TMEM117: variants seen among roughly 807,000 people sequenced by gnomAD.
TMEM117 encodes the protein transmembrane protein 117.
A neutral mutation model predicts 52.4 loss-of-function variants in TMEM117; 27 were observed. That is an observed-to-expected ratio of 0.51 (90% CI 0.38 to 0.71). The LOEUF (loss-of-function observed/expected upper bound fraction) is 0.71. Ranked by LOEUF, TMEM117 falls within the 30% of genes least tolerant of loss-of-function variation. The probability of loss-of-function intolerance (pLI) is 0.00; values close to 1 mark genes in which losing one functional copy is unlikely to be tolerated. For missense variants in TMEM117, 556 were observed against 630.5 expected, an observed-to-expected ratio of 0.88 and a Z score of 1.26; for synonymous variants, 215 against 206.3, an observed-to-expected ratio of 1.04 and a Z score of -0.36.
At chr12:43,912,911 GA>G (rs1314163082) in intron 2 of TMEM117, among the ~76,000 whole-genome samples, 1 of 152,126 alleles carries the variant, frequency 6.6e-6, no homozygotes, top group African/African-American at 2.4e-5. Flanking sequence ...AGTCCTCCAA[GA>G]AAGGCTTGTC....
At chr12:43,983,542 C>G (rs1945794522) in intron 3 of TMEM117, among the ~76,000 whole-genome samples, 1 of 107,106 alleles carries the variant, frequency 9.3e-6, no homozygotes, top group African/African-American at 3.6e-5. Context: ...TACTTTTGCA[C>G]CAACCGTGTG....
intron 3 of TMEM117, among the ~76,000 whole-genome samples, chr12:44,029,385 G>T (rs1946596253): frequency 6.6e-6 from 1 of 152,140 alleles, no homozygotes; most frequent in Admixed American, 6.5e-5. Flanking sequence ...TAATCCTTAG[G>T]CATGTACAGG....
chr12:43,857,153 C>T (rs1283896804), intron 2 of TMEM117, among the ~76,000 whole-genome samples: 3 of 152,182 alleles, frequency 2.0e-5, no homozygotes, highest in African/African-American at 7.2e-5. Context: ...GGGCAATGAG[C>T]TTCATGCAGC....
intron 2 of TMEM117, among the ~76,000 whole-genome samples, chr12:43,868,141 CTT>C (rs1308987569): frequency 8.7e-5 from 13 of 149,578 alleles, no homozygotes; most frequent in Non-Finnish European, 1.2e-4. Context: ...TGTCTCTCTC[CTT>C]CTCTCTCTCT....
At chr12:44,235,334 T>A (rs1187344160) in intron 5 of TMEM117, among the ~76,000 whole-genome samples, 2 of 151,724 alleles carry the variant, frequency 1.3e-5, no homozygotes, top group Non-Finnish European at 3.0e-5. Context: ...TGTTTCCTGT[T>A]AAATGCACAG....
At chr12:44,115,808 CTTAGAG>C (rs1385012919) in intron 3 of TMEM117, among the ~76,000 whole-genome samples, 2 of 152,196 alleles carry the variant, frequency 1.3e-5, no homozygotes, top group Non-Finnish European at 2.9e-5. Context: ...ACTCAAGAAA[CTTAGAG>C]TTAAATAGAG....
intron 3 of TMEM117, among the ~76,000 whole-genome samples, chr12:44,114,838 A>G (rs1247639667): frequency 6.6e-6 from 1 of 152,210 alleles, no homozygotes; most frequent in Non-Finnish European, 1.5e-5. Context: ...TAAAAATGCT[A>G]CTACTTCCAC....
chr12:44,055,141 C>A (rs1001282461), intron 3 of TMEM117, among the ~76,000 whole-genome samples: 3 of 152,052 alleles, frequency 2.0e-5, no homozygotes, highest in Admixed American at 2.0e-4. Flanking sequence ...TATAAAAGTT[C>A]TGTGATGCAA....
intron 4 of TMEM117, among the ~76,000 whole-genome samples, chr12:44,167,701 G>T (rs78933526): frequency 2.6e-5 from 4 of 152,218 alleles, no homozygotes; most frequent in African/African-American, 9.6e-5. Context: ...AATCAGAGGG[G>T]TTCTTGTTTC....
intron 5 of TMEM117, among the ~76,000 whole-genome samples, chr12:44,222,271 C>G (rs1472711147): frequency 6.6e-6 from 1 of 152,106 alleles, no homozygotes; most frequent in African/African-American, 2.4e-5. Flanking sequence ...TGAATCCAGG[C>G]CTTTGCAGTC....
At chr12:43,819,708 G>A in the TMEM117 span, among the ~76,000 whole-genome samples, 1 of 152,112 alleles carries the variant, frequency 6.6e-6, no homozygotes, top group African/African-American at 2.4e-5. Flanking sequence ...CCCAGGAGGC[G>A]GAGGTTGCGG....
chr12:44,182,028 C>T (rs1434660022), intron 4 of TMEM117, among the ~76,000 whole-genome samples: 1 of 151,530 alleles, frequency 6.6e-6, no homozygotes, highest in Non-Finnish European at 1.5e-5. Flanking sequence ...CTTTTACTTC[C>T]TTGAGCAGTG....
chr12:44,281,109 T>C (rs1480121546), intron 5 of TMEM117, among the ~76,000 whole-genome samples: 1 of 152,206 alleles, frequency 6.6e-6, no homozygotes, highest in African/African-American at 2.4e-5. Context: ...ATTAGATGCT[T>C]TAAAAAATCT....
chr12:44,020,166 T>G (rs1213997951), intron 3 of TMEM117, among the ~76,000 whole-genome samples: 3 of 152,246 alleles, frequency 2.0e-5, no homozygotes, highest in African/African-American at 7.2e-5. Context: ...ATGATATCTT[T>G]AATAAAAGAA....
At chr12:44,206,315 G>T (rs1473173872) in intron 4 of TMEM117, among the ~76,000 whole-genome samples, 4 of 152,112 alleles carry the variant, frequency 2.6e-5, no homozygotes, top group Non-Finnish European at 5.9e-5. Context: ...GGTGGGCCAG[G>T]TTTTCCTTGC....
chr12:43,822,797 C>T, the TMEM117 span, among the ~76,000 whole-genome samples: 3 of 150,860 alleles, frequency 2.0e-5, no homozygotes, highest in Non-Finnish European at 4.4e-5. Context: ...CTTGGGAGGC[C>T]GAGGTAGGAG....
chr12:44,027,558 C>T (rs1161390216), intron 3 of TMEM117, among the ~76,000 whole-genome samples: 1 of 152,138 alleles, frequency 6.6e-6, no homozygotes, highest in Non-Finnish European at 1.5e-5. Flanking sequence ...TTGCAGTTAT[C>T]TGATGTTGCT....
At chr12:44,241,337 T>G (rs1196324426) in intron 5 of TMEM117, among the ~76,000 whole-genome samples, 2 of 151,952 alleles carry the variant, frequency 1.3e-5, no homozygotes, top group Non-Finnish European at 2.9e-5. Context: ...TCAGACACTT[T>G]TACCAAAACA....
chr12:44,325,741 C>G lies in TMEM117; in HGVS notation c.768+26002C>G, dbSNP rs377279120. 6.8e-4 allele frequency among the ~76,000 whole-genome samples: 104 copies of G among 152,112 alleles called. 5 individuals are homozygous for G. The South Asian group carries it at 0.021, about 31-fold the overall frequency. ...AAGATTGAATCTACCCAAGAATCAC[C>G]TGATATGTGTGTGTTTATGTCTGTA... On this transcript the variant is annotated intron_variant, in intron 6 of 7. Transcript: ENST00000266534.
Sources: allele counts gnomAD v4.1 joint callset (sites outside exome capture counted in the v4.1 genomes callset), GRCh38; gene constraint gnomAD v4.1.1; transcripts MANE v1.5; gene names NCBI Gene and HGNC (gene_info 2026-07-23, HGNC 2026-07-21).